Variants in CPEB4 observed in about 807,000 individuals in gnomAD.
CPEB4 encodes the protein cytoplasmic polyadenylation element binding protein 4, also known as cytoplasmic polyadenylation element-binding protein 4.
A neutral mutation model predicts 72.5 loss-of-function variants in CPEB4; 12 were observed. The ratio of observed to expected loss-of-function variants is 0.17; its 90% confidence interval spans 0.11 to 0.27. CPEB4 has a LOEUF of 0.27. CPEB4 is among the 10% of genes least tolerant of loss of function. The pLI, the probability that CPEB4 is intolerant of heterozygous loss-of-function variation, is 1.00. For synonymous variants in CPEB4, 302 were observed against 326.3 expected (o/e 0.93, Z 0.80); for missense variants, 614 against 908.5 (o/e 0.68, Z 4.17).
rs1284779398 is a variant in CPEB4, at chr5:173,950,571, C to T, written c.1665+493C>T. On this transcript the variant is annotated intron_variant, in intron 7 of 9. Transcript: ENST00000265085. This position sits in a 1 kb window ranked among gnomAD's most constrained non-coding sequence, Gnocchi z 5.0. ...AGTGAGCAGAGATTGCACCATTGCA[C>T]TCCAGCCTGGGTGAAAAGTGAGACT... 1.3e-5 allele frequency among the ~76,000 whole-genome samples: 2 copies of T among 151,912 alleles called. No homozygotes were observed. Among genetic ancestry groups the T allele is most frequent in the Admixed American group, 6.6e-5 (1 of 15,228 alleles).
At position 173,951,894 on chromosome 5, in the gene CPEB4, G is replaced by A; in HGVS notation, c.1736G>A (p.Arg579Gln). 1 of 1,613,760 alleles carries A rather than the reference G, an allele frequency of 6.2e-7. No individual in the cohort carries two copies. The highest frequency in any genetic ancestry group is 8.5e-7 in the Non-Finnish European group (1 of 1,179,770). ...VMDGSQPLDP[R>Q]KTIFVGGVPR... is the part of the protein sequence containing the mutation. ...GATGGTTCACAGCCACTTGACCCAC[G>A]AAAAACTATATTTGTTGGTGGTGTT... The change falls in exon 8 of 10, where the codon CGA becomes CAA. Residue 579 changes from arginine (R) to glutamine (Q), a missense_variant. Physicochemically the swap from Arg to Gln is conservative, Grantham distance 43. This residue lies in a region of CPEB4 where 101 missense variants were observed against 243.1 expected (regional missense o/e 0.42). Coordinates refer to ENST00000265085, the MANE Select transcript of CPEB4 (RefSeq NM_030627.4).
Position 173,888,380 on chromosome 5 carries a change from C to T in CPEB4, c.-1354C>T, listed in dbSNP as rs921571931. On this transcript the variant is annotated 5_prime_UTR_variant, in exon 1 of 10. Coordinates refer to ENST00000265085, the MANE Select transcript of CPEB4 (RefSeq NM_030627.4). This position sits in a 1 kb window ranked among gnomAD's most constrained non-coding sequence, Gnocchi z 4.3. ...CTCGGTCCTGAGGAGAAGGACTCAGCCGCGGCTGCGGGACCCGGGCACCGG... is the reference window on the plus strand; with the variant it reads ...CTCGGTCCTGAGGAGAAGGACTCAGTCGCGGCTGCGGGACCCGGGCACCGG... 5 of 447,530 alleles carry T rather than the reference C, an allele frequency of 1.1e-5. No individual in the cohort carries two copies. The highest frequency in any genetic ancestry group is 1.9e-5 in the Non-Finnish European group (5 of 259,744). The allele number at this position is 447,530 out of a possible 1,614,324, so 27.7% of individuals were successfully genotyped here.
chr5:173,943,352 A>T (rs907706945), intron 4 of CPEB4, among the ~76,000 whole-genome samples: 3 of 152,208 alleles, frequency 2.0e-5, no homozygotes, highest in Admixed American at 6.5e-5. Context: ...GGAATTTCTT[A>T]GAAAAAAATT....
rs183758268 is a variant in CPEB4, at chr5:173,915,270, G to A, written c.1207+4666G>A. 1.2e-4 allele frequency among the ~76,000 whole-genome samples: 18 copies of A among 152,188 alleles called. No individual in the cohort carries two copies. The East Asian group carries it at 3.1e-3, about 26-fold the overall frequency. On this transcript the variant is annotated intron_variant, in intron 2 of 9. Transcript: ENST00000265085. ...TTTTTTTAAACAAATGTTCAAAGGA[G>A]TACATAGCTTTCATAATTCGTATTA...
At chr5:173,910,177 A>G (rs6885371) in intron 1 of CPEB4, among the ~76,000 whole-genome samples, 44,698 of 151,718 alleles carry the variant, frequency 0.29, 6,870 homozygotes, top group South Asian at 0.47. Context: ...AAGCTTTGCC[A>G]CGTTTTTGCA....
intron 2 of CPEB4, chr5:173,910,869 A>C: frequency 2.9e-6 from 1 of 347,034 alleles, no homozygotes. Context: ...CACCAACTAC[A>C]TACCTTATTA....
At chr5:173,923,661 T>G (rs1757146447) in intron 2 of CPEB4, among the ~76,000 whole-genome samples, 1 of 152,194 alleles carries the variant, frequency 6.6e-6, no homozygotes, top group Admixed American at 6.5e-5. Flanking sequence ...TACTACTTGG[T>G]CTGTTTTTCC....
rs544378813 is a variant in CPEB4, at chr5:173,935,016, GATTA to G, written c.1258+2522_1258+2525del. Among the ~76,000 whole-genome samples, 293 of 152,232 alleles carry G rather than the reference GATTA, an allele frequency of 1.9e-3. 1 individual carries two copies. Among genetic ancestry groups the G allele is most frequent in the Non-Finnish European group, 1.0e-3 (69 of 68,016 alleles). On this transcript the variant is annotated intron_variant, in intron 3 of 9. Transcript: ENST00000265085. ...GGCATAATGAATTGTGCTTAGTGAA[GATTA>G]ATTAAAGAATTTACAGGTACTACCC...
chr5:173,911,463 C>T (rs1306853552), intron 2 of CPEB4, among the ~76,000 whole-genome samples: 1 of 151,984 alleles, frequency 6.6e-6, no homozygotes, highest in African/African-American at 2.4e-5. Context: ...GGGGTTTCAC[C>T]GTGTTAGCCA....
At position 173,945,042 on chromosome 5, in the gene CPEB4, T is replaced by C. The variant is rs1228926370; in HGVS notation, c.1358T>C (p.Leu453Pro). 1 of 1,614,088 alleles carries C rather than the reference T, an allele frequency of 6.2e-7. No homozygotes were observed. Among genetic ancestry groups the C allele is most frequent in the Admixed American group, 1.7e-5 (1 of 60,022 alleles). Residue 453 changes from leucine to proline, a missense_variant, in exon 5 of 10, where the codon CTG becomes CCG. By Grantham distance (98) the Leu-to-Pro change is moderately conservative. Around this residue, in one of 5 missense-constraint regions of CPEB4, gnomAD observed 458 missense variants for 548.6 expected, o/e 0.83. Coordinates refer to ENST00000265085, the MANE Select transcript of CPEB4 (RefSeq NM_030627.4). ...GGGGATCAGCCTCTTCATAGTGGCC[T>C]GGGTTCACCTCACTGCTTCAGTCAC... ...GRGDQPLHSGLGSPHCFSHQN... is the reference protein window; with the variant it reads ...GRGDQPLHSGPGSPHCFSHQN...
At position 173,956,824 on chromosome 5, in the gene CPEB4, AT is replaced by A. The variant is rs1231463266; in HGVS notation, c.*688del. On this transcript the variant is annotated 3_prime_UTR_variant, in exon 10 of 10. Transcript: ENST00000265085. ...AAAAGTTACCACCACATCAGAAAAA[AT>A]AAAAAAAAAATAGTAAAGTAGGCAG... 2.6e-5 allele frequency: 4 copies of A among 152,372 alleles called. No homozygotes were observed. The highest frequency in any genetic ancestry group is 9.7e-5 in the African/African-American group (4 of 41,410). The allele number at this position is 152,372 out of a possible 1,614,324, so 9.4% of individuals were successfully genotyped here. A position where few individuals can be genotyped will look rare whatever the true frequency, so the allele number is the denominator to read the frequency against.
chr5:173,936,394 A>C (rs1425380865), intron 3 of CPEB4, among the ~76,000 whole-genome samples: 1 of 152,206 alleles, frequency 6.6e-6, no homozygotes, highest in Non-Finnish European at 1.5e-5. Flanking sequence ...GGGACCACCC[A>C]AGTGACCTCA....
intron 1 of CPEB4, among the ~76,000 whole-genome samples, chr5:173,906,912 G>A (rs1237080546): frequency 1.3e-5 from 2 of 152,180 alleles, no homozygotes; most frequent in African/African-American, 4.8e-5. Context: ...TGCCCATGGG[G>A]CAGGGTAGTG....
At chr5:173,932,626 C>G (rs1169282376) in intron 3 of CPEB4, 126 bp downstream of exon 3, 1 of 642,174 alleles carries the variant, frequency 1.6e-6, no homozygotes, top group Non-Finnish European at 2.6e-6. Context: ...AAACTATCAG[C>G]TATTTTAAGA....
chr5:173,895,274 G>A (rs1265616566), intron 1 of CPEB4, among the ~76,000 whole-genome samples: 1 of 152,220 alleles, frequency 6.6e-6, no homozygotes, highest in Non-Finnish European at 1.5e-5. Flanking sequence ...TTTGAGTATA[G>A]CATTTCTTTG....
chr5:173,912,918 CA>C (rs397959791), intron 2 of CPEB4, among the ~76,000 whole-genome samples: 1,240 of 88,974 alleles, frequency 0.014, 4 homozygotes, highest in South Asian at 0.03. Flanking sequence ...GACCCTGTCT[CA>C]AAAAAAAAAA....
intron 1 of CPEB4, among the ~76,000 whole-genome samples, chr5:173,909,054 G>C (rs896401494): frequency 2.6e-5 from 4 of 152,120 alleles, no homozygotes; most frequent in African/African-American, 9.7e-5. Flanking sequence ...GTTGTCTCTA[G>C]TACTCTTCAT....
Position 173,889,368 on chromosome 5 carries a change from C to A in CPEB4, c.-366C>A, listed in dbSNP as rs1161386949. The A allele has an allele frequency of 5.7e-6, 1 of 174,004 alleles. No individual in the cohort carries two copies. The highest frequency in any genetic ancestry group is 2.4e-5 in the African/African-American group (1 of 41,936). 10.8% of individuals were successfully genotyped at this position (174,004 alleles called of 1,614,324 possible). ...CGCGCAAGGCTTATTCTTCTACATC[C>A]ATAGATGCTTGAGAAGCTCTGTTTT... On this transcript the variant is annotated 5_prime_UTR_variant, in exon 1 of 10. Coordinates refer to ENST00000265085, the MANE Select transcript of CPEB4 (RefSeq NM_030627.4).
At chr5:173,933,223 C>A (rs1233740272) in intron 3 of CPEB4, among the ~76,000 whole-genome samples, 1 of 152,108 alleles carries the variant, frequency 6.6e-6, no homozygotes, top group Non-Finnish European at 1.5e-5. Flanking sequence ...AAAATGTCTT[C>A]CATTTGTCAA....
Sources: gnomAD v4.1 joint callset for allele counts (sites outside exome capture counted in the v4.1 genomes callset) on GRCh38, gnomAD v4.1.1 for gene constraint, gnomAD v4.1.1 regional missense constraint, Gnocchi (gnomAD v3.1) non-coding constraint, MANE v1.5 for transcripts, NCBI Gene and HGNC (gene_info 2026-07-23, HGNC 2026-07-21) for gene names.